The following DISC1 variants were observed in gnomAD, a reference collection of about 807,000 sequenced individuals.
The protein encoded by DISC1 is DISC1 scaffold protein, also known as disrupted in schizophrenia 1 protein.
DISC1 carries 57 observed loss-of-function variants against 84.5 expected under a neutral mutation model. The observed-to-expected ratio is 0.67, with a 90% confidence interval of 0.55 to 0.84. The LOEUF is 0.84. DISC1 is among the 40% of genes least tolerant of loss of function. The pLI is 0.00. For missense variants in DISC1, 1,000 were observed against 1,057.8 expected, an observed-to-expected ratio of 0.95 and a Z score of 0.76; for synonymous variants, 411 against 415.2, an observed-to-expected ratio of 0.99 and a Z score of 0.12.
chr1:231,993,337 A>G (rs905849230), intron 10 of DISC1, among the ~76,000 whole-genome samples: 7 of 151,598 alleles, frequency 4.6e-5, no homozygotes, highest in Non-Finnish European at 1.0e-4. Context: ...CCATTTGAAA[A>G]GGAATAAGAG....
chr1:231,682,926 CTGG>C (rs1345861402), intron 1 of DISC1, among the ~76,000 whole-genome samples: 1 of 152,216 alleles, frequency 6.6e-6, no homozygotes, highest in East Asian at 1.9e-4. Flanking sequence ...ACGAAGTGGG[CTGG>C]ATGTCAAACT....
In DISC1 at chr1:231,766,305, AAAC is replaced by A. The variant is rs1274779155; in HGVS notation, c.1269-832_1269-830del. ...ACATTATCTAAAAAAAAAAAAAAAAAAACAAAATTAAGAAGAAAGTTAATCAAG... is the reference window on the plus strand; with the variant it reads ...ACATTATCTAAAAAAAAAAAAAAAAAAAAATTAAGAAGAAAGTTAATCAAG... On this transcript the variant is annotated intron_variant, in intron 4 of 12. Coordinates refer to ENST00000439617, the MANE Select transcript of DISC1 (RefSeq NM_018662.3). Among the ~76,000 whole-genome samples, 436 of 150,430 alleles carry A rather than the reference AAAC, an allele frequency of 2.9e-3. 1 individual carries two copies. Among genetic ancestry groups the A allele is most frequent in the Non-Finnish European group, 5.2e-3 (350 of 67,532 alleles).
chr1:231,788,124 A>G (rs1196172629), intron 6 of DISC1, among the ~76,000 whole-genome samples: 2 of 152,136 alleles, frequency 1.3e-5, no homozygotes, highest in African/African-American at 4.8e-5. Context: ...TTCTACTAAA[A>G]ATACCAAAAA....
rs2066486746 is a variant in DISC1 at position 231,702,011 on chromosome 1, T to A, written c.1104T>A (p.Asp368Glu). ...TTCAGGAAGATGCAGTTGAGAATGA[T>A]GATTATGATAAAGGTGAGTTTTAAT... The part of the protein sequence containing the change: ...QKLQEDAVEN[D>E]DYDKAETLQQ... The change falls in exon 3 of 13, where the codon GAT (aspartate) becomes GAA (glutamate). Residue 368 changes from aspartate to glutamate, a missense_variant. Asp to Glu is a conservative substitution (Grantham distance 45). This residue lies in a region of DISC1 where 311 missense variants were observed against 400.1 expected (regional missense o/e 0.78). Transcript: ENST00000439617. The A allele has an allele frequency of 2.5e-6, 4 of 1,607,476 alleles. No homozygotes were observed. Among genetic ancestry groups the A allele is most frequent in the Non-Finnish European group, 3.4e-6 (4 of 1,177,626 alleles).
In DISC1 at chr1:231,859,046, C is replaced by A. The variant is rs201538764; in HGVS notation, c.1981+40529C>A. Among the ~76,000 whole-genome samples the A allele has an allele frequency of 5.9e-5, 9 of 152,354 alleles. 1 individual carries two copies. Among genetic ancestry groups the A allele is most frequent in the African/African-American group, 1.2e-4 (5 of 41,592 alleles). ...ATGGTGTCTGAGCTCACGGTCTCATCTGTGGGAGCTGCATCTCATCAACCT... is the reference window on the plus strand; with the variant it reads ...ATGGTGTCTGAGCTCACGGTCTCATATGTGGGAGCTGCATCTCATCAACCT... On this transcript the variant is annotated intron_variant, in intron 9 of 12. Transcript: ENST00000439617.
intron 9 of DISC1, among the ~76,000 whole-genome samples, chr1:231,907,340 C>T (rs1441560603): frequency 6.6e-6 from 1 of 151,300 alleles, no homozygotes; most frequent in African/African-American, 2.4e-5. Flanking sequence ...CAACAGGCCC[C>T]AGTGTGTGAT....
At chr1:231,726,552 A>G (rs1392890102) in intron 3 of DISC1, among the ~76,000 whole-genome samples, 1 of 152,204 alleles carries the variant, frequency 6.6e-6, no homozygotes, top group Non-Finnish European at 1.5e-5. Context: ...CAGCGGGGCA[A>G]CAGGGAAAGC....
At chr1:231,773,807 G>A (rs1356367793) in intron 6 of DISC1, among the ~76,000 whole-genome samples, 2 of 152,148 alleles carry the variant, frequency 1.3e-5, no homozygotes, top group African/African-American at 4.8e-5. Context: ...GGGTCCTCTG[G>A]GAGAATCCAC....
chr1:231,930,037 A>G (rs1297284316), intron 9 of DISC1, among the ~76,000 whole-genome samples: 2 of 152,194 alleles, frequency 1.3e-5, no homozygotes, highest in Non-Finnish European at 2.9e-5. Flanking sequence ...GGAGTGAGAG[A>G]TGGCCCGAAA....
chr1:231,823,119 A>G (rs2081615547), intron 9 of DISC1, among the ~76,000 whole-genome samples: 1 of 152,240 alleles, frequency 6.6e-6, no homozygotes, highest in Admixed American at 6.5e-5. Context: ...CTACTTGCAG[A>G]ATTTCACTTC....
At chr1:231,722,551 G>T (rs758712329) in intron 3 of DISC1, 8 of 1,613,980 alleles carry the variant, frequency 5.0e-6, no homozygotes, top group African/African-American at 1.3e-5. Flanking sequence ...GGAACCAATT[G>T]CTTTGGATCC....
intron 9 of DISC1, among the ~76,000 whole-genome samples, chr1:231,955,486 CTTTTT>C (rs200610198): frequency 7.5e-6 from 1 of 133,278 alleles, no homozygotes. Flanking sequence ...TCATTCTTGA[CTTTTT>C]TTTTTTTTTT....
chr1:231,932,305 T>A (rs1336949941), intron 9 of DISC1, among the ~76,000 whole-genome samples: 2 of 152,208 alleles, frequency 1.3e-5, no homozygotes, highest in East Asian at 3.8e-4. Flanking sequence ...TGGAGACTAC[T>A]GATCTAGTTT....
intron 10 of DISC1, among the ~76,000 whole-genome samples, chr1:231,990,829 G>C (rs1000901099): frequency 2.6e-5 from 4 of 152,190 alleles, no homozygotes; most frequent in African/African-American, 9.6e-5. Context: ...CCCTTCTCCT[G>C]CTCCTAACTT....
intron 8 of DISC1, among the ~76,000 whole-genome samples, chr1:231,817,114 T>C (rs551698788): frequency 2.6e-5 from 4 of 152,304 alleles, no homozygotes; most frequent in Admixed American, 2.6e-4. Context: ...ATATGAAGTC[T>C]CACTCTGTTG....
chr1:232,026,328 CT>C, intron 11 of DISC1, 106 bp from the exon 12 acceptor site: 1 of 719,192 alleles, frequency 1.4e-6, no homozygotes. Flanking sequence ...TAGCACAATT[CT>C]GACTGAGGTG....
intron 1 of DISC1, among the ~76,000 whole-genome samples, chr1:231,677,241 G>C (rs1210019538): frequency 6.6e-6 from 1 of 151,978 alleles, no homozygotes; most frequent in East Asian, 1.9e-4. Flanking sequence ...GCATTTTACT[G>C]TCTTAGGAAG....
chr1:231,907,896 G>A (rs1211727163), intron 9 of DISC1, among the ~76,000 whole-genome samples: 3 of 152,118 alleles, frequency 2.0e-5, no homozygotes, highest in East Asian at 1.9e-4. Context: ...ATCTCATTGC[G>A]GTTTTGATTT....
chr1:231,835,996 G>A (rs558830089), intron 9 of DISC1, among the ~76,000 whole-genome samples: 16 of 152,264 alleles, frequency 1.1e-4, no homozygotes, highest in Admixed American at 9.8e-4. Flanking sequence ...GTGATATTCA[G>A]GGAACTGCCG....
Sources: allele counts gnomAD v4.1 joint callset (sites outside exome capture counted in the v4.1 genomes callset), GRCh38; gene constraint gnomAD v4.1.1; regional missense constraint gnomAD v4.1.1; transcripts MANE v1.5; gene names NCBI Gene and HGNC (gene_info 2026-07-23, HGNC 2026-07-21).